NHERF1: variants seen among roughly 807,000 people sequenced by gnomAD.
NHERF1 encodes Na(+)/H(+) exchange regulatory cofactor NHE-RF1.
the NHERF1 span, chr17:74,763,525 G>T: frequency 6.3e-7 from 1 of 1,579,906 alleles, no homozygotes; most frequent in Non-Finnish European, 8.6e-7. Flanking sequence ...TGAATGGTAA[G>T]CCAGGTGGGG....
the NHERF1 span, among the ~76,000 whole-genome samples, chr17:74,761,496 C>T: frequency 1.3e-5 from 2 of 152,202 alleles, no homozygotes; most frequent in Non-Finnish European, 2.9e-5. This position sits in a 1 kb window ranked among gnomAD's most constrained non-coding sequence, Gnocchi z 4.3. Context: ...ACTGTAAACA[C>T]ACTGACCAGC....
the NHERF1 span, among the ~76,000 whole-genome samples, chr17:74,755,924 TAAATA>T: frequency 1.3e-5 from 2 of 151,720 alleles, no homozygotes; most frequent in African/African-American, 4.8e-5. Flanking sequence ...TACATTATGT[TAAATA>T]AAATATTCAA....
chr17:74,764,152 T>C, the NHERF1 span, among the ~76,000 whole-genome samples: 3 of 152,234 alleles, frequency 2.0e-5, no homozygotes, highest in Admixed American at 2.0e-4. The surrounding 1 kb of genome is among the most constrained non-coding windows in gnomAD (Gnocchi z 4.9). Context: ...GCTCTGCTCC[T>C]TGGTCTGGAC....
the NHERF1 span, among the ~76,000 whole-genome samples, chr17:74,766,682 A>G: frequency 3.9e-5 from 6 of 152,124 alleles, no homozygotes; most frequent in Admixed American, 3.3e-4. Context: ...TTGGGAGGCC[A>G]AGGTGGAAGG....
chr17:74,767,588 A>AG, the NHERF1 span, among the ~76,000 whole-genome samples: 1 of 152,192 alleles, frequency 6.6e-6, no homozygotes, highest in Non-Finnish European at 1.5e-5. Context: ...GTACTTGGCA[A>AG]GGGGGAGGGC....
chr17:74,765,557 C>CT, the NHERF1 span, among the ~76,000 whole-genome samples: 1,796 of 128,678 alleles, frequency 0.014, 35 homozygotes, highest in African/African-American at 0.037. Context: ...CGCGCCTGGC[C>CT]TTTTTTTTTT....
At chr17:74,756,570 C>T in the NHERF1 span, among the ~76,000 whole-genome samples, 3 of 152,186 alleles carry the variant, frequency 2.0e-5, no homozygotes, top group Admixed American at 1.3e-4. Flanking sequence ...TGAGCCACTG[C>T]ACCCGGCCTA....
chr17:74,753,132 G>A, the NHERF1 span, among the ~76,000 whole-genome samples: 12 of 152,332 alleles, frequency 7.9e-5, no homozygotes, highest in Admixed American at 2.6e-4. Context: ...CAGCTCTGCC[G>A]TGTGCTGGTT....
At chr17:74,756,397 G>A in the NHERF1 span, among the ~76,000 whole-genome samples, 1 of 146,974 alleles carries the variant, frequency 6.8e-6, no homozygotes, top group African/African-American at 2.5e-5. Flanking sequence ...TCGTGCCTCA[G>A]CCTCTGGAGT....
chr17:74,768,552 A>C, the NHERF1 span: 1 of 1,613,830 alleles, frequency 6.2e-7, no homozygotes, highest in Admixed American at 1.7e-5. Flanking sequence ...AGACTTCAAC[A>C]TCTCCCTGGC....
the NHERF1 span, chr17:74,761,935 TGGGGACAGGCA>T: frequency 8.1e-3 from 12,194 of 1,501,676 alleles, 77 homozygotes; most frequent in Middle Eastern, 0.028. This position sits in a 1 kb window ranked among gnomAD's most constrained non-coding sequence, Gnocchi z 4.3. Flanking sequence ...GTTGGGGAGA[TGGGGACAGGCA>T]GAGGACAGGG....
At chr17:74,749,252 G>T in the NHERF1 span, 12 of 1,529,462 alleles carry the variant, frequency 7.8e-6, no homozygotes, top group Admixed American at 8.0e-5. The surrounding 1 kb of genome is among the most constrained non-coding windows in gnomAD (Gnocchi z 5.6). Context: ...CAACGAAAAT[G>T]AGCCTCGCGA....
At chr17:74,768,251 C>T in the NHERF1 span, 16 of 1,590,436 alleles carry the variant, frequency 1.0e-5, no homozygotes, top group East Asian at 2.2e-4. Context: ...GCCAGCCATG[C>T]GGGGGGTGGC....
the NHERF1 span, among the ~76,000 whole-genome samples, chr17:74,756,273 C>CTTTTTTTTTTTTTTT: frequency 3.7e-4 from 27 of 72,016 alleles, no homozygotes; most frequent in Non-Finnish European, 4.5e-4. Flanking sequence ...TTCTTTCTTT[C>CTTTTTTTTTTTTTTT]TTTTTTTTTT....
chr17:74,749,914 G>GCA, the NHERF1 span, among the ~76,000 whole-genome samples: 2 of 152,210 alleles, frequency 1.3e-5, no homozygotes, highest in Non-Finnish European at 2.9e-5. This position sits in a 1 kb window ranked among gnomAD's most constrained non-coding sequence, Gnocchi z 5.6. Flanking sequence ...CGGTGTGGGG[G>GCA]TTGCCTGGCA....
the NHERF1 span, among the ~76,000 whole-genome samples, chr17:74,751,100 G>A: frequency 6.6e-6 from 1 of 152,142 alleles, no homozygotes; most frequent in Non-Finnish European, 1.5e-5. The surrounding 1 kb of genome is among the most constrained non-coding windows in gnomAD (Gnocchi z 4.3). Context: ...GCGATGTGAT[G>A]CCTGCCTTCT....
chr17:74,758,288 A>G, the NHERF1 span, among the ~76,000 whole-genome samples: 1 of 152,184 alleles, frequency 6.6e-6, no homozygotes, highest in Non-Finnish European at 1.5e-5. The surrounding 1 kb of genome is among the most constrained non-coding windows in gnomAD (Gnocchi z 4.3). Flanking sequence ...GGCGCGGTGA[A>G]GCTCCCTGGG....
At chr17:74,756,905 A>G in the NHERF1 span, among the ~76,000 whole-genome samples, 1 of 152,212 alleles carries the variant, frequency 6.6e-6, no homozygotes, top group African/African-American at 2.4e-5. Flanking sequence ...CAATTTCACA[A>G]GCTCCTTGAA....
chr17:74,752,246 G>C, the NHERF1 span, among the ~76,000 whole-genome samples: 5 of 152,124 alleles, frequency 3.3e-5, no homozygotes, highest in East Asian at 7.7e-4. Flanking sequence ...ACCAGCCTAG[G>C]CAACATGACA....
Sources: gnomAD v4.1 joint callset for allele counts (sites outside exome capture counted in the v4.1 genomes callset) on GRCh38, gnomAD v4.1.1 for gene constraint, Gnocchi (gnomAD v3.1) non-coding constraint, MANE v1.5 for transcripts, NCBI Gene and HGNC (gene_info 2026-07-23, HGNC 2026-07-21) for gene names.